Variants in MYO1H observed in about 807,000 individuals in gnomAD.
MYO1H encodes unconventional myosin-Ih.
MYO1H carries 118 observed loss-of-function variants against 149.3 expected under a neutral mutation model. The ratio of observed to expected loss-of-function variants is 0.79; its 90% CI spans 0.68 to 0.92. The LOEUF (loss-of-function observed/expected upper bound fraction) is 0.92, where lower values mean the gene tolerates loss of function less well. MYO1H is among the 40% of genes least tolerant of loss of function. The pLI is 0.00. For synonymous variants in MYO1H, 447 were observed against 465.2 expected, an observed-to-expected ratio of 0.96 and a Z score of 0.50; for missense variants, 1,212 against 1,280.7, an observed-to-expected ratio of 0.95 and a Z score of 0.82.
intron 1 of MYO1H, among the ~76,000 whole-genome samples, chr12:109,355,266 C>T (rs188836139): frequency 2.0e-5 from 3 of 152,286 alleles, no homozygotes; most frequent in East Asian, 1.9e-4. Flanking sequence ...AATAACAATT[C>T]TCCTTACGTG....
chr12:109,406,532 C>T (rs1870402224), intron 8 of MYO1H, among the ~76,000 whole-genome samples: 1 of 148,560 alleles, frequency 6.7e-6, no homozygotes, highest in South Asian at 2.1e-4. Context: ...CACCTGTAGT[C>T]CCAGCTACTC....
chr12:109,433,419 C>G (rs1871723717), intron 20 of MYO1H, among the ~76,000 whole-genome samples: 1 of 152,186 alleles, frequency 6.6e-6, no homozygotes, highest in South Asian at 2.1e-4. Flanking sequence ...TGCTGGAACT[C>G]TTAACTGTAG....
At chr12:109,406,134 C>A in intron 8 of MYO1H, 99 bp downstream of exon 8, 1 of 782,328 alleles carries the variant, frequency 1.3e-6, no homozygotes, top group South Asian at 1.7e-5. Flanking sequence ...TATCTGGTGC[C>A]GTGCTGTTTT....
chr12:109,430,177 T>C (rs1592814396), intron 19 of MYO1H, among the ~76,000 whole-genome samples: 2 of 151,900 alleles, frequency 1.3e-5, no homozygotes, highest in African/African-American at 4.8e-5. Flanking sequence ...AGCCTGGAGG[T>C]GGGAGCAGGC....
chr12:109,364,128 G>C (rs889699934), intron 1 of MYO1H, among the ~76,000 whole-genome samples: 8 of 140,948 alleles, frequency 5.7e-5, no homozygotes, highest in African/African-American at 2.1e-4. Flanking sequence ...CCAAGATCAT[G>C]CCACTGCACT....
intron 16 of MYO1H, among the ~76,000 whole-genome samples, chr12:109,423,507 A>G (rs1009756353): frequency 3.3e-5 from 5 of 152,172 alleles, no homozygotes; most frequent in Admixed American, 2.0e-4. Flanking sequence ...TGTTGAGTAG[A>G]TTTACATGGT....
chr12:109,406,525 C>G (rs1380209644), intron 8 of MYO1H, among the ~76,000 whole-genome samples: 2 of 146,282 alleles, frequency 1.4e-5, no homozygotes, highest in African/African-American at 5.0e-5. Flanking sequence ...TGGCACACAC[C>G]TGTAGTCCCA....
the MYO1H span, among the ~76,000 whole-genome samples, chr12:109,322,050 G>A: frequency 1.3e-5 from 2 of 150,882 alleles, no homozygotes; most frequent in Admixed American, 1.3e-4. Flanking sequence ...TCTATCCTTG[G>A]GGAAGTGGAT....
chr12:109,372,255 T>C (rs1868998186), intron 1 of MYO1H, among the ~76,000 whole-genome samples: 1 of 152,140 alleles, frequency 6.6e-6, no homozygotes. Flanking sequence ...TTTCATTATT[T>C]TATTTTTTAG....
At chr12:109,443,051 T>C (rs905118444) in intron 27 of MYO1H, among the ~76,000 whole-genome samples, 4 of 86,288 alleles carry the variant, frequency 4.6e-5, no homozygotes, top group African/African-American at 5.4e-5. Flanking sequence ...TGTGTGTATA[T>C]ATGTGTACGT....
Position 109,393,464 on chromosome 12 carries a change from G to A in MYO1H, c.290+18G>A. ...CCACATGTGTAAGTAGCATCCACAGGATCATCACTAGGAGGATTTTTCTTT... is the reference window on the plus strand; with the variant it reads ...CCACATGTGTAAGTAGCATCCACAGAATCATCACTAGGAGGATTTTTCTTT... On this transcript the variant is annotated intron_variant, in intron 3 of 31. Coordinates refer to ENST00000310903, the Ensembl canonical transcript of MYO1H. 1 of 1,504,432 alleles carries A rather than the reference G, an allele frequency of 6.6e-7. No individual in the cohort carries two copies. The highest frequency in any genetic ancestry group is 9.1e-7 in the Non-Finnish European group (1 of 1,099,310). 93.2% of individuals were successfully genotyped at this position (1,504,432 alleles called of 1,614,324 possible). A position where few individuals can be genotyped will look rare whatever the true frequency, so the allele number is the denominator to read the frequency against.
chr12:109,442,384 C>T (rs1182547807), intron 27 of MYO1H, 112 bp downstream of exon 27: 3 of 825,930 alleles, frequency 3.6e-6, no homozygotes, highest in African/African-American at 1.7e-5. Context: ...TGCAGCTGGG[C>T]AGCTGGGGCT....
At chr12:109,376,405 T>C (rs942408193) in intron 1 of MYO1H, among the ~76,000 whole-genome samples, 1 of 152,240 alleles carries the variant, frequency 6.6e-6, no homozygotes, top group African/African-American at 2.4e-5. Flanking sequence ...TTCATCCATG[T>C]TGTAACATGT....
intron 1 of MYO1H, among the ~76,000 whole-genome samples, chr12:109,356,175 G>C (rs1592777979): frequency 1.3e-5 from 2 of 152,184 alleles, no homozygotes; most frequent in East Asian, 3.9e-4. Context: ...ACTAACCCAA[G>C]GGACTCAGAC....
the MYO1H span, among the ~76,000 whole-genome samples, chr12:109,315,525 T>G: frequency 0.035 from 5,369 of 152,274 alleles, 316 homozygotes; most frequent in African/African-American, 0.12. Flanking sequence ...GCTCACAGGT[T>G]TTCTTTTAAA....
At chr12:109,330,487 C>T in the MYO1H span, among the ~76,000 whole-genome samples, 1 of 152,178 alleles carries the variant, frequency 6.6e-6, no homozygotes, top group African/African-American at 2.4e-5. Flanking sequence ...AGGAACTTCC[C>T]ACTTCCTCAT....
At chr12:109,353,393 CAAAAAAAAAAA>C (rs55927192) in intron 1 of MYO1H, among the ~76,000 whole-genome samples, 3 of 79,298 alleles carry the variant, frequency 3.8e-5, no homozygotes, top group Non-Finnish European at 4.8e-5. Flanking sequence ...GACTCCGTCT[CAAAAAAAAAAA>C]AAAAAAAAAA....
In MYO1H at chr12:109,409,945, A is replaced by T. The variant is rs1380331820; in HGVS notation, c.1224-18A>T. 29 of 1,381,162 alleles carry T rather than the reference A, an allele frequency of 2.1e-5. No individual in the cohort carries two copies. The highest frequency in any genetic ancestry group is 2.8e-5 in the Non-Finnish European group (29 of 1,022,344). The allele number at this position is 1,381,162 out of a possible 1,614,324, so 85.6% of individuals were successfully genotyped here. On this transcript the variant is annotated intron_variant, in intron 11 of 31. Coordinates refer to ENST00000310903, the Ensembl canonical transcript of MYO1H. ...CTCTTCATATAACTTTAGTTACTTAAATCTTTTGTATCTCTAGTTTTGAAC... is the reference window on the plus strand; with the variant it reads ...CTCTTCATATAACTTTAGTTACTTATATCTTTTGTATCTCTAGTTTTGAAC...
chr12:109,316,437 A>G, the MYO1H span, among the ~76,000 whole-genome samples: 6 of 152,086 alleles, frequency 3.9e-5, no homozygotes, highest in African/African-American at 1.4e-4. Context: ...GGCCTTTCCC[A>G]TCTCTTCCCA....
Sources: gnomAD v4.1 joint callset for allele counts (sites outside exome capture counted in the v4.1 genomes callset) on GRCh38, gnomAD v4.1.1 for gene constraint, MANE v1.5 for transcripts, NCBI Gene and HGNC (gene_info 2026-07-23, HGNC 2026-07-21) for gene names.